Variants in PCCA observed in about 807,000 individuals in gnomAD.
The protein encoded by PCCA is propionyl-CoA carboxylase subunit alpha.
Under a neutral mutation model 101.3 loss-of-function variants are expected in PCCA, and 74 were observed. The observed-to-expected ratio is 0.73, with a 90% CI of 0.61 to 0.89. The LOEUF is 0.89. PCCA is among the 40% of genes least tolerant of loss of function. The pLI is 0.00. For missense variants in PCCA, 891 were observed against 907.0 expected, an observed-to-expected ratio of 0.98 and a Z score of 0.23; for synonymous variants, 294 against 313.6, an observed-to-expected ratio of 0.94 and a Z score of 0.66.
chr13:100,458,361 TACACACACACACAC>T (rs58649291), intron 21 of PCCA, among the ~76,000 whole-genome samples: 4 of 101,376 alleles, frequency 3.9e-5, no homozygotes, highest in African/African-American at 7.9e-5. Context: ...ACCCCATCTC[TACACACACACACAC>T]ACACACACAC....
At chr13:100,116,782 A>G (rs2048840618) in intron 4 of PCCA, among the ~76,000 whole-genome samples, 2 of 152,064 alleles carry the variant, frequency 1.3e-5, no homozygotes, top group Admixed American at 1.3e-4. Context: ...AAGTAAATAC[A>G]TTTTTGTCTG....
intron 21 of PCCA, among the ~76,000 whole-genome samples, chr13:100,484,509 T>A (rs1050401110): frequency 6.6e-6 from 1 of 152,206 alleles, no homozygotes; most frequent in Non-Finnish European, 1.5e-5. Flanking sequence ...ATTCTAGACT[T>A]CTAAACAACA....
intron 19 of PCCA, among the ~76,000 whole-genome samples, chr13:100,416,405 C>G (rs969001383): frequency 1.3e-5 from 2 of 152,056 alleles, no homozygotes; most frequent in African/African-American, 4.8e-5. Flanking sequence ...TAGTCTCGAA[C>G]TGTTGACCTC....
chr13:100,143,551 T>TAA (rs572832682), intron 4 of PCCA, among the ~76,000 whole-genome samples: 3 of 136,506 alleles, frequency 2.2e-5, no homozygotes, highest in East Asian at 2.1e-4. Context: ...AAAAAAAAAA[T>TAA]AAAAAAAAAA....
chr13:100,362,933 CT>C (rs1308101189), intron 18 of PCCA, among the ~76,000 whole-genome samples: 4 of 152,140 alleles, frequency 2.6e-5, no homozygotes, highest in African/African-American at 9.7e-5. Context: ...GAAAATGCTG[CT>C]TTTATCTTTC....
At chr13:100,411,101 A>T (rs1181664859) in intron 19 of PCCA, among the ~76,000 whole-genome samples, 1 of 152,028 alleles carries the variant, frequency 6.6e-6, no homozygotes, top group African/African-American at 2.4e-5. Flanking sequence ...TTTTTTTTTT[A>T]ATCAGTAGAC....
At chr13:100,119,721 A>G (rs1196676724) in intron 4 of PCCA, among the ~76,000 whole-genome samples, 1 of 152,150 alleles carries the variant, frequency 6.6e-6, no homozygotes, top group African/African-American at 2.4e-5. Flanking sequence ...GGCTTTAGAC[A>G]GAAGGGTTTC....
At chr13:100,521,096 T>C (rs1166499526) in intron 22 of PCCA, among the ~76,000 whole-genome samples, 1 of 152,254 alleles carries the variant, frequency 6.6e-6, no homozygotes, top group Non-Finnish European at 1.5e-5. Flanking sequence ...CCACTAGTTC[T>C]CTTTGTAACT....
At chr13:100,261,056 T>A (rs865823406) in intron 9 of PCCA, among the ~76,000 whole-genome samples, 1 of 152,146 alleles carries the variant, frequency 6.6e-6, no homozygotes, top group Non-Finnish European at 1.5e-5. Flanking sequence ...GTTTCAGTAT[T>A]GTACATTAAA....
intron 6 of PCCA, among the ~76,000 whole-genome samples, chr13:100,201,375 C>G (rs1224436178): frequency 6.6e-6 from 1 of 152,138 alleles, no homozygotes; most frequent in East Asian, 1.9e-4. Flanking sequence ...GCCCTATGAT[C>G]TCTGCTAGTA....
chr13:100,522,964 G>T (rs1164556457), intron 22 of PCCA, among the ~76,000 whole-genome samples: 1 of 152,236 alleles, frequency 6.6e-6, no homozygotes, highest in Non-Finnish European at 1.5e-5. Context: ...CTGGTCTTGA[G>T]CACCGCTTTC....
At chr13:100,096,760 C>G (rs1423606274) in intron 1 of PCCA, among the ~76,000 whole-genome samples, 1 of 152,204 alleles carries the variant, frequency 6.6e-6, no homozygotes, top group Non-Finnish European at 1.5e-5. Flanking sequence ...GATAGAAGAT[C>G]AAACCAGCCA....
At chr13:100,367,977 A>T (rs972151183) in intron 18 of PCCA, among the ~76,000 whole-genome samples, 3 of 151,868 alleles carry the variant, frequency 2.0e-5, no homozygotes, top group Non-Finnish European at 4.4e-5. Context: ...AATAATAATT[A>T]AAAAAAATTA....
intron 20 of PCCA, among the ~76,000 whole-genome samples, chr13:100,433,601 C>G (rs200096686): frequency 6.6e-6 from 1 of 151,566 alleles, no homozygotes; most frequent in African/African-American, 2.4e-5. Context: ...AGGTAATAAA[C>G]AAGCCATACT....
intron 4 of PCCA, among the ~76,000 whole-genome samples, chr13:100,150,230 C>T (rs2053132403): frequency 6.6e-6 from 1 of 152,044 alleles, no homozygotes; most frequent in African/African-American, 2.4e-5. Context: ...GACAGGGTTT[C>T]ACCATGTTGG....
intron 12 of PCCA, among the ~76,000 whole-genome samples, chr13:100,295,933 A>T (rs532968855): frequency 1.0e-3 from 154 of 152,270 alleles, no homozygotes; most frequent in South Asian, 2.5e-3. Flanking sequence ...TTTCAAGTCA[A>T]CTCAGGTATA....
intron 21 of PCCA, among the ~76,000 whole-genome samples, chr13:100,454,971 A>G (rs2081603367): frequency 6.6e-6 from 1 of 152,188 alleles, no homozygotes; most frequent in African/African-American, 2.4e-5. Flanking sequence ...ATGATGATAC[A>G]ACAGATTTGC....
intron 18 of PCCA, among the ~76,000 whole-genome samples, chr13:100,349,705 C>T (rs1490363616): frequency 1.3e-5 from 2 of 152,166 alleles, no homozygotes; most frequent in Non-Finnish European, 1.5e-5. Flanking sequence ...TAAAGCACTC[C>T]CTTTGGTGGA....
intron 4 of PCCA, among the ~76,000 whole-genome samples, chr13:100,125,926 T>G (rs2049911724): frequency 6.6e-6 from 1 of 152,216 alleles, no homozygotes; most frequent in Non-Finnish European, 1.5e-5. Context: ...AGAGAATTAT[T>G]TAGCATTAGC....
Sources: gnomAD v4.1 joint callset for allele counts (sites outside exome capture counted in the v4.1 genomes callset) on GRCh38, gnomAD v4.1.1 for gene constraint, MANE v1.5 for transcripts, NCBI Gene and HGNC (gene_info 2026-07-23, HGNC 2026-07-21) for gene names.